The following PES1 variants were observed in gnomAD, a reference collection of about 807,000 sequenced individuals.
The protein encoded by PES1 is pescadillo ribosomal biogenesis factor 1, also known as pescadillo homolog.
A neutral mutation model predicts 77.1 loss-of-function variants in PES1; 31 were observed. That is an observed-to-expected ratio of 0.40 (90% CI 0.30 to 0.54). PES1 has a LOEUF of 0.54. PES1 is among the 20% of genes least tolerant of loss of function. PES1 has a pLI of 0.45. For synonymous variants in PES1, 282 were observed against 303.0 expected (o/e 0.93, Z 0.72); for missense variants, 658 against 771.7 (o/e 0.85, Z 1.75).
At chr22:30,587,897 G>A (rs1176044123) in intron 3 of PES1, 124 bp downstream of exon 3, 1 of 939,496 alleles carries the variant, frequency 1.1e-6, no homozygotes, top group African/African-American at 1.6e-5. Flanking sequence ...CTTCTGTTGA[G>A]GCTCACCCTG....
intron 2 of PES1, among the ~76,000 whole-genome samples, chr22:30,600,405 A>T (rs1284328984): frequency 2.6e-5 from 4 of 152,214 alleles, no homozygotes; most frequent in African/African-American, 7.2e-5. Flanking sequence ...ACTCTTGGCC[A>T]GGCGTGGTGG....
intron 14 of PES1, among the ~76,000 whole-genome samples, chr22:30,578,581 C>T (rs1232324212): frequency 6.6e-6 from 1 of 152,238 alleles, no homozygotes; most frequent in African/African-American, 2.4e-5. Flanking sequence ...TTGCAGACCC[C>T]AGCAGACTCA....
intron 2 of PES1, among the ~76,000 whole-genome samples, chr22:30,598,885 ATTTTTTTTTTTTT>A (rs71200084): frequency 9.8e-5 from 5 of 51,190 alleles, no homozygotes; most frequent in South Asian, 9.4e-4. Flanking sequence ...CTTAAGTAAA[ATTTTTTTTTTTTT>A]TTTTTTTTTT....
upstream of PES1, among the ~76,000 whole-genome samples, chr22:30,596,272 T>C (rs932663221): frequency 6.6e-6 from 1 of 152,214 alleles, no homozygotes; most frequent in Non-Finnish European, 1.5e-5. Flanking sequence ...TTTTTCTATA[T>C]AGTTCAGCCA....
At chr22:30,596,541 C>T (rs547129703), upstream of PES1, among the ~76,000 whole-genome samples, 17 of 151,442 alleles carry the variant, frequency 1.1e-4, no homozygotes, top group East Asian at 3.3e-3. Context: ...GCCATGGAAA[C>T]TACCCAAAAT....
intron 5 of PES1, 46 bp from the exon 6 acceptor site, chr22:30,584,500 G>A: frequency 6.2e-7 from 1 of 1,609,320 alleles, no homozygotes; most frequent in Non-Finnish European, 8.5e-7. Flanking sequence ...TGGGGTGGCA[G>A]GAGAGGGGGC....
upstream of PES1, among the ~76,000 whole-genome samples, chr22:30,596,362 G>A (rs1479785788): frequency 6.6e-6 from 1 of 151,982 alleles, no homozygotes; most frequent in African/African-American, 2.4e-5. Flanking sequence ...GTGTGCGTGT[G>A]TATATGGATA....
chr22:30,580,727 C>A (rs1449283428), intron 9 of PES1, 26 bp from the exon 10 acceptor site: 4 of 1,611,816 alleles, frequency 2.5e-6, no homozygotes, highest in Non-Finnish European at 3.4e-6. Context: ...CCAGGCCTCG[C>A]ACCACCAGGG....
intron 2 of PES1, among the ~76,000 whole-genome samples, chr22:30,597,824 G>A (rs73396364): frequency 0.056 from 8,428 of 151,550 alleles, 840 homozygotes; most frequent in African/African-American, 0.2. Flanking sequence ...ATAAAAGCAG[G>A]CTGCCCGACT....
rs553185546 is a variant in PES1, at chr22:30,603,374, GTTTGTTT to G, written c.-661+2080_-661+2086del. Among the ~76,000 whole-genome samples the G allele has an allele frequency of 1.9e-3, 289 of 151,632 alleles. 1 individual carries two copies. Among genetic ancestry groups the G allele is most frequent in the African/African-American group, 6.2e-3 (255 of 41,328 alleles). Reference sequence around the variant, plus strand: ...CCTCCTTTTCTTTCTTTCTGTTTTTGTTTGTTTTTTGTTTTTTGTTTCTCCGAGATGG... The same window carrying G: ...CCTCCTTTTCTTTCTTTCTGTTTTTGTTTGTTTTTTGTTTCTCCGAGATGG... On this transcript the variant is annotated intron_variant, in intron 2 of 16. Transcript: ENST00000402281.
At chr22:30,589,100 T>C in intron 2 of PES1, 91 bp downstream of exon 2, 1 of 877,500 alleles carries the variant, frequency 1.1e-6, no homozygotes, top group Non-Finnish European at 1.8e-6. Flanking sequence ...AACCCCAGAA[T>C]GGGTATGGCA....
chr22:30,581,553 A>C lies in PES1; in HGVS notation c.722T>G (p.Leu241Trp). ...LGFVNFRLYQLLNLHYPPKLE... is the reference protein window; with the variant it reads ...LGFVNFRLYQWLNLHYPPKLE... ...CTTCGGGGGATAGTGGAGGTTGAGCAACTGGTAAAGGCGGAAGTTGACAAA... is the reference window on the plus strand; with the variant it reads ...CTTCGGGGGATAGTGGAGGTTGAGCCACTGGTAAAGGCGGAAGTTGACAAA... Residue 241 changes from leucine (L) to tryptophan (W), a missense_variant, in exon 7 of 15, where the codon TTG becomes TGG. By Grantham distance (61) the Leu-to-Trp change is moderately conservative. Transcript: ENST00000354694. 1 of 1,613,834 alleles carries C rather than the reference A, an allele frequency of 6.2e-7. No individual in the cohort carries two copies. Among genetic ancestry groups the C allele is most frequent in the Non-Finnish European group, 8.5e-7 (1 of 1,179,980 alleles).
chr22:30,591,993 G>T (rs577564907), upstream of PES1: 19 of 1,375,578 alleles, frequency 1.4e-5, no homozygotes, highest in Middle Eastern at 1.9e-4. Flanking sequence ...GAAAGATGGG[G>T]ATTTCCTCCT....
upstream of PES1, among the ~76,000 whole-genome samples, chr22:30,594,678 A>G (rs550028467): frequency 1.3e-4 from 20 of 152,160 alleles, no homozygotes; most frequent in African/African-American, 3.4e-4. Flanking sequence ...TAAAAAAAAA[A>G]AAAAAACACA....
intron 6 of PES1, among the ~76,000 whole-genome samples, chr22:30,581,846 G>A (rs892060116): frequency 6.6e-6 from 1 of 152,182 alleles, no homozygotes; most frequent in Non-Finnish European, 1.5e-5. Context: ...AGTGTTCCCA[G>A]CCACAAGTGA....
chr22:30,580,301 C>G lies in PES1; in HGVS notation c.1044-123G>C, dbSNP rs938834116. The G allele has an allele frequency of 4.7e-5, 58 of 1,243,592 alleles. No individual in the cohort carries two copies. In the Admixed American group the frequency reaches 6.3e-4, roughly 14 times the overall value. The allele number at this position is 1,243,592 out of a possible 1,614,324, so 77.0% of individuals were successfully genotyped here. A position where few individuals can be genotyped will look rare whatever the true frequency, so the allele number is the denominator to read the frequency against. ...TCACCCTCTTAGGACACAATTACCC[C>G]CTCCTCACCCCAGGATCCTTCAATC... On this transcript the variant is annotated intron_variant, in intron 10 of 14. Transcript: ENST00000354694.
chr22:30,599,116 G>T (rs1259787111), intron 2 of PES1, among the ~76,000 whole-genome samples: 1 of 151,774 alleles, frequency 6.6e-6, no homozygotes, highest in East Asian at 1.9e-4. Context: ...GCCAGGCTGG[G>T]CTCAAACTCC....
chr22:30,581,417 C>G lies in PES1; in HGVS notation c.748-9G>C. 2 of 1,613,592 alleles carry G rather than the reference C, an allele frequency of 1.2e-6. No individual in the cohort carries two copies. Among genetic ancestry groups the G allele is most frequent in the Non-Finnish European group, 1.7e-6 (2 of 1,180,004 alleles). ...TGGGCCTGACCCTCGAGCTAGTAGG[C>G]AAAGGGAAGGTCAGGAGGCAGAGGA... is the stretch of plus-strand genomic sequence containing the variant. On this transcript the variant is annotated splice_polypyrimidine_tract_variant and intron_variant, in intron 7 of 14. Transcript: ENST00000354694.
chr22:30,592,105 TG>T, upstream of PES1: 1 of 1,285,502 alleles, frequency 7.8e-7, no homozygotes, highest in Non-Finnish European at 9.8e-7. Context: ...AAAACAAACG[TG>T]GATATACAGG....
Sources: allele counts gnomAD v4.1 joint callset (sites outside exome capture counted in the v4.1 genomes callset), GRCh38; gene constraint gnomAD v4.1.1; transcripts MANE v1.5; gene names NCBI Gene and HGNC (gene_info 2026-07-23, HGNC 2026-07-21).